FAM163A: variants seen among roughly 807,000 people sequenced by gnomAD.
FAM163A encodes the protein protein FAM163A.
In FAM163A, 7 loss-of-function variants were observed where a neutral mutation model predicts 12.0. That is an observed-to-expected ratio of 0.58 (90% CI 0.33 to 1.10). FAM163A has a LOEUF of 1.10. Ranked by LOEUF, FAM163A falls within the 50% of genes least tolerant of loss-of-function variation. The probability of loss-of-function intolerance (pLI) is 0.03; values close to 1 mark genes in which losing one functional copy is unlikely to be tolerated. For missense variants in FAM163A, 202 were observed against 218.6 expected, an observed-to-expected ratio of 0.92 and a Z score of 0.48; for synonymous variants, 101 against 91.0, an observed-to-expected ratio of 1.11 and a Z score of -0.62.
At chr1:179,799,216 C>T (rs1046727653) in intron 1 of FAM163A, among the ~76,000 whole-genome samples, 7 of 152,176 alleles carry the variant, frequency 4.6e-5, no homozygotes, top group Non-Finnish European at 8.8e-5. Context: ...GAGCTGCAGG[C>T]CTGCTGCATA....
rs150823805 is a variant in FAM163A at position 179,791,764 on chromosome 1, C to T, written c.-135-16034C>T. ...CCTACAAATGTTAGGATAGCAAGAT[C>T]TTGAGTTGAAGGAACCGTAAAAGTC... On this transcript the variant is annotated intron_variant, in intron 1 of 4. Transcript: ENST00000341785. Among the ~76,000 whole-genome samples, 111 of 152,302 alleles carry T rather than the reference C, an allele frequency of 7.3e-4. 2 individuals carry two copies. In the East Asian group the frequency reaches 0.021, roughly 29 times the overall value.
chr1:179,735,495 CTTTTTT>C, the FAM163A span, among the ~76,000 whole-genome samples: 7 of 62,136 alleles, frequency 1.1e-4, no homozygotes, highest in Admixed American at 9.1e-4. Context: ...GAGTTACATT[CTTTTTT>C]TTTTTTTTTT....
At chr1:179,781,266 T>G (rs1408220397) in intron 1 of FAM163A, among the ~76,000 whole-genome samples, 1 of 152,200 alleles carries the variant, frequency 6.6e-6, no homozygotes, top group Non-Finnish European at 1.5e-5. Context: ...TAAGAACTAC[T>G]GAATTGTACA....
At chr1:179,740,521 T>C (rs1399231474), upstream of FAM163A, among the ~76,000 whole-genome samples, 8 of 152,118 alleles carry the variant, frequency 5.3e-5, no homozygotes, top group Non-Finnish European at 7.3e-5. Context: ...TGGTGGTACA[T>C]GCATACCATG....
chr1:179,806,188 A>G (rs7525931), intron 1 of FAM163A, among the ~76,000 whole-genome samples: 4,766 of 152,274 alleles, frequency 0.031, 252 homozygotes, highest in African/African-American at 0.11. Flanking sequence ...TTCCCATTGT[A>G]CAGTCTGTGC....
chr1:179,784,307 G>T (rs1246598474), intron 1 of FAM163A, among the ~76,000 whole-genome samples: 1 of 152,230 alleles, frequency 6.6e-6, no homozygotes. Context: ...GGTGGAGGAG[G>T]TAAGAGTGTA....
chr1:179,768,012 C>T (rs59801181), intron 1 of FAM163A, among the ~76,000 whole-genome samples: 3,678 of 152,078 alleles, frequency 0.024, 165 homozygotes, highest in African/African-American at 0.084. Flanking sequence ...CTCTCCCCTT[C>T]CCTCAGTCCT....
chr1:179,790,067 G>A (rs1163981067), intron 1 of FAM163A, among the ~76,000 whole-genome samples: 7 of 152,132 alleles, frequency 4.6e-5, no homozygotes, highest in Non-Finnish European at 8.8e-5. Flanking sequence ...GAAGAGATTG[G>A]TAGGAAAGGG....
intron 1 of FAM163A, among the ~76,000 whole-genome samples, chr1:179,801,804 G>C (rs1693217074): frequency 6.6e-6 from 1 of 152,188 alleles, no homozygotes; most frequent in Non-Finnish European, 1.5e-5. Context: ...GGTCATTCCA[G>C]CATCCAGAAT....
intron 1 of FAM163A, among the ~76,000 whole-genome samples, chr1:179,790,194 G>A (rs1364677397): frequency 6.6e-6 from 1 of 150,852 alleles, no homozygotes; most frequent in Non-Finnish European, 1.5e-5. Flanking sequence ...ACAGGAGTGG[G>A]AAGTATTAAT....
In FAM163A at chr1:179,816,122, C is replaced by T. The variant is rs76102706; in HGVS notation, c.*1933C>T. 4,581 of 152,294 alleles carry T rather than the reference C, an allele frequency of 0.03. 91 individuals carry two copies. Among genetic ancestry groups the T allele is most frequent in the African/African-American group, 0.038 (1,599 of 41,556 alleles). The allele number at this position is 152,294 out of a possible 1,614,324, so 9.4% of individuals were successfully genotyped here. A position where few individuals can be genotyped will look rare whatever the true frequency, so the allele number is the denominator to read the frequency against. ...CCTGGCAGGGTCTGGATGTATTTAC[C>T]CAACTCTGATCTTGCGTGCAGGGAT... On this transcript the variant is annotated 3_prime_UTR_variant, in exon 5 of 5. Coordinates refer to ENST00000341785, the MANE Select transcript of FAM163A (RefSeq NM_173509.3).
At chr1:179,795,292 C>T (rs891923113) in intron 1 of FAM163A, among the ~76,000 whole-genome samples, 2 of 152,230 alleles carry the variant, frequency 1.3e-5, no homozygotes, top group African/African-American at 4.8e-5. Context: ...CCTCAAATCA[C>T]CTCTGCCAGT....
intron 1 of FAM163A, among the ~76,000 whole-genome samples, chr1:179,798,576 A>C (rs1290117852): frequency 1.3e-5 from 2 of 152,190 alleles, no homozygotes; most frequent in Admixed American, 1.3e-4. Context: ...TATTTGTCTG[A>C]TGTGATTGAG....
intron 1 of FAM163A, among the ~76,000 whole-genome samples, chr1:179,751,189 A>G (rs1232642427): frequency 1.3e-5 from 2 of 152,096 alleles, no homozygotes; most frequent in Non-Finnish European, 2.9e-5. Flanking sequence ...AGTCATCAAC[A>G]TCTAGGGGTA....
chr1:179,790,797 T>C (rs985225967), intron 1 of FAM163A, among the ~76,000 whole-genome samples: 1 of 152,080 alleles, frequency 6.6e-6, no homozygotes, highest in African/African-American at 2.4e-5. Flanking sequence ...GACCTGGGAA[T>C]ATAGTGGCCT....
chr1:179,810,069 A>G (rs1331279656), intron 2 of FAM163A, among the ~76,000 whole-genome samples: 1 of 152,172 alleles, frequency 6.6e-6, no homozygotes, highest in Admixed American at 6.5e-5. Flanking sequence ...GTGAGCTTTT[A>G]TTAAGTACCC....
chr1:179,761,468 C>A (rs1301102089), intron 1 of FAM163A, among the ~76,000 whole-genome samples: 1 of 152,164 alleles, frequency 6.6e-6, no homozygotes, highest in African/African-American at 2.4e-5. Flanking sequence ...TGCTTTCAGT[C>A]CCGAAGATGA....
chr1:179,790,492 G>A (rs1571497457), intron 1 of FAM163A, among the ~76,000 whole-genome samples: 1 of 152,090 alleles, frequency 6.6e-6, no homozygotes, highest in African/African-American at 2.4e-5. Context: ...CCAGCACTGA[G>A]CAGCCCCTCC....
At chr1:179,803,266 A>T (rs1693440192) in intron 1 of FAM163A, among the ~76,000 whole-genome samples, 1 of 152,212 alleles carries the variant, frequency 6.6e-6, no homozygotes, top group African/African-American at 2.4e-5. Context: ...CTTAGGCCCC[A>T]CTCAATTAAC....
Sources: allele counts gnomAD v4.1 joint callset (sites outside exome capture counted in the v4.1 genomes callset), GRCh38; gene constraint gnomAD v4.1.1; transcripts MANE v1.5; gene names NCBI Gene and HGNC (gene_info 2026-07-23, HGNC 2026-07-21).